The following MIDEAS variants were observed in gnomAD, a reference collection of about 807,000 sequenced individuals.
The protein encoded by MIDEAS is mitotic deacetylase-associated SANT domain protein.
In MIDEAS, 26 loss-of-function variants were observed where a neutral mutation model predicts 102.7. That is an observed-to-expected ratio of 0.25 (90% confidence interval 0.19 to 0.35). MIDEAS has a LOEUF of 0.35. Ranked by LOEUF, MIDEAS falls within the 10% of genes least tolerant of loss-of-function variation. The pLI, the probability that MIDEAS is intolerant of heterozygous loss-of-function variation, is 1.00. For synonymous variants in MIDEAS, 585 were observed against 591.0 expected (o/e 0.99, Z 0.15); for missense variants, 1,231 against 1,435.6 (o/e 0.86, Z 2.30).
intron 1 of MIDEAS, among the ~76,000 whole-genome samples, chr14:73,754,215 C>G (rs1055595127): frequency 2.6e-5 from 4 of 152,260 alleles, no homozygotes; most frequent in African/African-American, 7.2e-5. Flanking sequence ...AGCACTGCAA[C>G]AGGGACAGAA....
rs778656329 is a variant in MIDEAS, at chr14:73,729,657, C to T, written c.2078G>A (p.Arg693His). 8 of 1,609,982 alleles carry T rather than the reference C, an allele frequency of 5.0e-6. No homozygotes were observed. The Admixed American group carries it at 5.0e-5, about 10-fold the overall frequency. ...PPPITPKSAH[R>H]TLLRTNSAEV... Reference sequence around the variant, plus strand: ...TCACTCACTAGTCCGGAGCAGCGTGCGATGGGCACTCTTAGGCGTGATGGG... The same window carrying T: ...TCACTCACTAGTCCGGAGCAGCGTGTGATGGGCACTCTTAGGCGTGATGGG... The change falls in exon 4 of 13, where the codon CGC (arginine) becomes CAC (histidine). Residue 693 changes from arginine (R) to histidine (H), a missense_variant. Arg to His is a conservative substitution (Grantham distance 29). Coordinates refer to ENST00000423556, the MANE Select transcript of MIDEAS (RefSeq NM_001367710.1).
upstream of MIDEAS, among the ~76,000 whole-genome samples, chr14:73,789,364 C>T (rs2053848156): frequency 6.6e-6 from 1 of 152,270 alleles, no homozygotes; most frequent in East Asian, 1.9e-4. Context: ...TGCCAACCAC[C>T]GTTTGAGGGA....
At chr14:73,747,861 T>G (rs901248628) in intron 1 of MIDEAS, among the ~76,000 whole-genome samples, 1 of 152,054 alleles carries the variant, frequency 6.6e-6, no homozygotes, top group African/African-American at 2.4e-5. Context: ...CCTGTCAGAG[T>G]GCTATGGCCT....
Position 73,719,078 on chromosome 14 carries a change from G to T in MIDEAS, c.3135-70C>A, listed in dbSNP as rs2052942199. On this transcript the variant is annotated intron_variant, in intron 12 of 12. Transcript: ENST00000423556. ...GGGGCCCCCAGCGCGGGTGCGCGAGGAGCCCCAGCCTTCACCTTCACCCCC... is the reference window on the plus strand; with the variant it reads ...GGGGCCCCCAGCGCGGGTGCGCGAGTAGCCCCAGCCTTCACCTTCACCCCC... The T allele has an allele frequency of 3.5e-6, 5 of 1,446,800 alleles. No homozygotes were observed. In the South Asian group the frequency reaches 5.8e-5, roughly 17 times the overall value. The allele number at this position is 1,446,800 out of a possible 1,614,324, so 89.6% of individuals were successfully genotyped here.
chr14:73,768,173 A>G (rs1040834742), intron 1 of MIDEAS, among the ~76,000 whole-genome samples: 1 of 152,170 alleles, frequency 6.6e-6, no homozygotes, highest in South Asian at 2.1e-4. Flanking sequence ...TCTCAAAAAA[A>G]TTAAAAAATA....
intron 1 of MIDEAS, among the ~76,000 whole-genome samples, chr14:73,777,444 G>C (rs982550305): frequency 6.6e-6 from 1 of 152,022 alleles, no homozygotes; most frequent in Non-Finnish European, 1.5e-5. Context: ...CCTAAGACCT[G>C]AGCTATGCCA....
At chr14:73,764,231 T>C (rs2053575011), upstream of MIDEAS, among the ~76,000 whole-genome samples, 1 of 150,500 alleles carries the variant, frequency 6.6e-6, no homozygotes, top group South Asian at 2.1e-4. Context: ...TCCCAGCTAC[T>C]CGGGAGGCTG....
chr14:73,740,362 C>G, intron 1 of MIDEAS, 107 bp from the exon 2 acceptor site: 1 of 398,616 alleles, frequency 2.5e-6, no homozygotes, highest in Non-Finnish European at 4.4e-6. Context: ...GTCCCACCAC[C>G]TCATATCACA....
rs1337702486 is a variant in MIDEAS, at chr14:73,759,381, T to C, written c.-248+382A>G. On this transcript the variant is annotated intron_variant, in intron 1 of 12. Coordinates refer to ENST00000423556, the MANE Select transcript of MIDEAS (RefSeq NM_001367710.1). The surrounding 1 kb of genome is among the most constrained non-coding windows in gnomAD (Gnocchi z 6.7). ...CTCCAGCGGAGGAGGAGCAGCCGGA[T>C]TCCCGAGCCGCCGCGGGCCGCCGGG... Among the ~76,000 whole-genome samples, 1 of 151,780 alleles carries C rather than the reference T, an allele frequency of 6.6e-6. No individual in the cohort carries two copies. The highest frequency in any genetic ancestry group is 1.5e-5 in the Non-Finnish European group (1 of 67,900).
At chr14:73,754,272 C>T (rs1373996778) in intron 1 of MIDEAS, among the ~76,000 whole-genome samples, 2 of 152,212 alleles carry the variant, frequency 1.3e-5, no homozygotes, top group Non-Finnish European at 1.5e-5. Flanking sequence ...CCCCGTTTTT[C>T]CCCTCCCAAC....
At chr14:73,719,810 T>C (rs1326892894) in intron 11 of MIDEAS, among the ~76,000 whole-genome samples, 1 of 95,954 alleles carries the variant, frequency 1.0e-5, no homozygotes, top group African/African-American at 3.4e-5. Flanking sequence ...CCTGTTGATG[T>C]TTTCTGTCAT....
At chr14:73,730,196 A>C (rs779365902) in intron 3 of MIDEAS, 6 of 712,476 alleles carry the variant, frequency 8.4e-6, no homozygotes, top group African/African-American at 5.3e-5. Flanking sequence ...GGGGCCAGAG[A>C]GTAAATATTT....
At position 73,715,263 on chromosome 14, in the gene MIDEAS, AAAT is replaced by A. The variant is rs751648974; in HGVS notation, c.*3577_*3579del. The A allele has an allele frequency of 2.0e-5, 3 of 152,782 alleles. No individual in the cohort carries two copies. The highest frequency in any genetic ancestry group is 1.9e-4 in the East Asian group (1 of 5,192). 9.5% of individuals were successfully genotyped at this position (152,782 alleles called of 1,614,324 possible). A position where few individuals can be genotyped will look rare whatever the true frequency, so the allele number is the denominator to read the frequency against. On this transcript the variant is annotated 3_prime_UTR_variant, in exon 13 of 13. Coordinates refer to ENST00000423556, the MANE Select transcript of MIDEAS (RefSeq NM_001367710.1). ...TTTTTTCTTATAAAAAGCACACAAA[AAAT>A]AAAATCTTCAGTCTCTATCACAACT...
Position 73,718,897 on chromosome 14 carries a change from G to GGCGGCGGCAGCA in MIDEAS, c.3234_3245dup (p.Ala1081_Ala1084dup). On this transcript the variant is annotated inframe_insertion, in exon 13 of 13. Transcript: ENST00000423556. Reference sequence around the variant, plus strand: ...CCCGCAGGGCCTGCTGGTGGGCGGCGGCGGCGGCAGCAGCGGCCTCTTTCT... The same window carrying GGCGGCGGCAGCA: ...CCCGCAGGGCCTGCTGGTGGGCGGCGGCGGCGGCAGCAGCGGCGGCAGCAGCGGCCTCTTTCT... 6.6e-7 allele frequency: 1 copy of GGCGGCGGCAGCA among 1,520,182 alleles called. No homozygotes were observed. The highest frequency in any genetic ancestry group is 8.8e-7 in the Non-Finnish European group (1 of 1,140,564). 94.2% of individuals were successfully genotyped at this position (1,520,182 alleles called of 1,614,324 possible). A position where few individuals can be genotyped will look rare whatever the true frequency, so the allele number is the denominator to read the frequency against.
rs765678219 is a variant in MIDEAS at position 73,739,971 on chromosome 14, C to G, written c.38G>C (p.Arg13Pro). 3 of 1,510,362 alleles carry G rather than the reference C, an allele frequency of 2.0e-6. No homozygotes were observed. Among genetic ancestry groups the G allele is most frequent in the Non-Finnish European group, 2.7e-6 (3 of 1,129,418 alleles). The allele number at this position is 1,510,362 out of a possible 1,614,324, so 93.6% of individuals were successfully genotyped here. A position where few individuals can be genotyped will look rare whatever the true frequency, so the allele number is the denominator to read the frequency against. Residue 13 changes from arginine (R) to proline (P), a missense_variant, in exon 2 of 13, where the codon CGG becomes CCG. Physicochemically the swap from Arg to Pro is moderately radical, Grantham distance 103 (BLOSUM62 -2). Coordinates refer to ENST00000423556, the MANE Select transcript of MIDEAS (RefSeq NM_001367710.1). ...CTGGCCCCCGAAGAGGCAACGCTTCCGCTTGTTCTGAGCCTTGGGCTGGGC... is the reference window on the plus strand; with the variant it reads ...CTGGCCCCCGAAGAGGCAACGCTTCGGCTTGTTCTGAGCCTTGGGCTGGGC... ...LQAQPKAQNKRKRCLFGGQEP... is the reference protein window; with the variant it reads ...LQAQPKAQNKPKRCLFGGQEP...
At chr14:73,737,555 A>C (rs1183972059) in intron 2 of MIDEAS, among the ~76,000 whole-genome samples, 1 of 151,958 alleles carries the variant, frequency 6.6e-6, no homozygotes, top group Non-Finnish European at 1.5e-5. Context: ...GAGCCCAGGA[A>C]GTTAAGGCTG....
At position 73,737,218 on chromosome 14, in the gene MIDEAS, G is replaced by A; in HGVS notation, c.1529C>T (p.Ser510Phe). ...TKCGVEFSEPSLATKRAREDS... is the reference protein window; with the variant it reads ...TKCGVEFSEPFLATKRAREDS... ...TTCTCGTGCTCGCTTGGTGGCTAAG[G>A]AAGGCTCAGAAAACTCCACCCCACA... Residue 510 changes from serine (S) to phenylalanine (F), a missense_variant, in exon 3 of 13, where the codon TCC becomes TTC. This residue lies in a region of MIDEAS where 758 missense variants were observed against 856.0 expected (regional missense o/e 0.89). Transcript: ENST00000423556. The A allele has an allele frequency of 3.1e-6, 5 of 1,614,172 alleles. No individual in the cohort carries two copies. The highest frequency in any genetic ancestry group is 4.2e-6 in the Non-Finnish European group (5 of 1,180,028).
At chr14:73,787,954 G>A (rs901922987), upstream of MIDEAS, among the ~76,000 whole-genome samples, 1 of 152,180 alleles carries the variant, frequency 6.6e-6, no homozygotes, top group African/African-American at 2.4e-5. Context: ...AGGGTAGGGT[G>A]GAGGCCTGAG....
intron 1 of MIDEAS, among the ~76,000 whole-genome samples, chr14:73,783,958 G>A (rs986148117): frequency 1.3e-5 from 2 of 152,144 alleles, no homozygotes; most frequent in Non-Finnish European, 2.9e-5. Flanking sequence ...CTAGGAAGGG[G>A]CAGATTAATG....
Sources: gnomAD v4.1 joint callset for allele counts (sites outside exome capture counted in the v4.1 genomes callset) on GRCh38, gnomAD v4.1.1 for gene constraint, gnomAD v4.1.1 regional missense constraint, Gnocchi (gnomAD v3.1) non-coding constraint, MANE v1.5 for transcripts, NCBI Gene and HGNC (gene_info 2026-07-23, HGNC 2026-07-21) for gene names.